LUZP2: variants seen among roughly 807,000 people sequenced by gnomAD.
LUZP2 encodes the protein leucine zipper protein 2.
In LUZP2, 52 loss-of-function variants were observed where a neutral mutation model predicts 51.6. The ratio of observed to expected loss-of-function variants is 1.01; its 90% confidence interval spans 0.81 to 1.27. LUZP2 has a LOEUF of 1.27. Ranked by LOEUF, LUZP2 falls within the 50% of genes most tolerant of loss-of-function variation. The probability of loss-of-function intolerance (pLI) is 0.00; values close to 1 mark genes in which losing one functional copy is unlikely to be tolerated. For missense variants in LUZP2, 436 were observed against 395.4 expected, an observed-to-expected ratio of 1.10 and a Z score of -0.87; for synonymous variants, 154 against 137.3, an observed-to-expected ratio of 1.12 and a Z score of -0.85.
At chr11:24,999,422 A>T (rs1856610121) in intron 9 of LUZP2, among the ~76,000 whole-genome samples, 1 of 151,006 alleles carries the variant, frequency 6.6e-6, no homozygotes, top group South Asian at 2.1e-4. Context: ...AAGAAGAAGG[A>T]GGAGGAGGAG....
At position 24,654,589 on chromosome 11, in the gene LUZP2, G is replaced by A. The variant is rs183915340; in HGVS notation, c.63-74580G>A. On this transcript the variant is annotated intron_variant, in intron 1 of 11. Transcript: ENST00000336930. Reference sequence around the variant, plus strand: ...GCGATCTCTGCTCACTGCAACCTCCGCCTCCTGAATTCAAGCCATTCTCCT... The same window carrying A: ...GCGATCTCTGCTCACTGCAACCTCCACCTCCTGAATTCAAGCCATTCTCCT... Among the ~76,000 whole-genome samples the A allele has an allele frequency of 3.2e-3, 482 of 151,858 alleles. 2 individuals are homozygous for A. Among genetic ancestry groups the A allele is most frequent in the Non-Finnish European group, 5.3e-3 (358 of 67,956 alleles).
At chr11:24,643,459 A>G (rs997705156) in intron 1 of LUZP2, among the ~76,000 whole-genome samples, 6 of 152,244 alleles carry the variant, frequency 3.9e-5, no homozygotes, top group Admixed American at 2.0e-4. Flanking sequence ...TCTTTCCAGA[A>G]GATCACAAAA....
chr11:24,849,720 G>A (rs1044655688), intron 5 of LUZP2, among the ~76,000 whole-genome samples: 1 of 152,098 alleles, frequency 6.6e-6, no homozygotes, highest in African/African-American at 2.4e-5. Flanking sequence ...CACAATGTTT[G>A]AACTAATTTA....
chr11:24,863,441 C>A (rs911893615), intron 5 of LUZP2, among the ~76,000 whole-genome samples: 2 of 152,026 alleles, frequency 1.3e-5, no homozygotes, highest in African/African-American at 4.8e-5. Context: ...GTGAAAGAAT[C>A]CATTCATATA....
chr11:24,976,714 A>G, intron 8 of LUZP2, 49 bp downstream of exon 8: 3 of 778,238 alleles, frequency 3.9e-6, no homozygotes, highest in South Asian at 4.3e-5. Flanking sequence ...AGCAAAAAAA[A>G]AAAAAAAAAA....
At chr11:24,729,368 T>TG (rs1168426173) in intron 2 of LUZP2, 82 bp downstream of exon 2, 1 of 674,820 alleles carries the variant, frequency 1.5e-6, no homozygotes, top group African/African-American at 1.8e-5. Context: ...CATTTTTAAA[T>TG]AGTTTTTAAT....
At chr11:24,972,621 T>C (rs965738899) in intron 7 of LUZP2, among the ~76,000 whole-genome samples, 2 of 152,156 alleles carry the variant, frequency 1.3e-5, no homozygotes, top group African/African-American at 4.8e-5. Context: ...ACCTAATTTA[T>C]TGAACATGAA....
At chr11:25,020,686 A>C (rs769893591) in intron 9 of LUZP2, among the ~76,000 whole-genome samples, 1 of 152,104 alleles carries the variant, frequency 6.6e-6, no homozygotes, top group Non-Finnish European at 1.5e-5. Flanking sequence ...GCACAAAATT[A>C]TCTCTTAAGA....
chr11:25,048,423 C>G (rs912031132), intron 9 of LUZP2, among the ~76,000 whole-genome samples: 1 of 152,116 alleles, frequency 6.6e-6, no homozygotes, highest in African/African-American at 2.4e-5. Flanking sequence ...CCTCCCTGCA[C>G]TTAATAAGCT....
At chr11:24,957,758 T>C (rs1855251631) in intron 7 of LUZP2, among the ~76,000 whole-genome samples, 2 of 152,178 alleles carry the variant, frequency 1.3e-5, no homozygotes, top group South Asian at 4.1e-4. Flanking sequence ...TGATTTCTTT[T>C]TTTTTATTAA....
At chr11:24,963,576 G>A (rs560845299) in intron 7 of LUZP2, among the ~76,000 whole-genome samples, 18 of 148,474 alleles carry the variant, frequency 1.2e-4, no homozygotes, top group African/African-American at 2.9e-4. Context: ...AGCCATGTGC[G>A]GGATATAATC....
intron 9 of LUZP2, among the ~76,000 whole-genome samples, chr11:25,015,685 C>G (rs917506543): frequency 4.6e-5 from 7 of 151,994 alleles, no homozygotes; most frequent in Admixed American, 6.6e-5. Flanking sequence ...CAACATCCCA[C>G]CAGGAATACA....
chr11:25,001,305 A>G (rs1856675289), intron 9 of LUZP2, among the ~76,000 whole-genome samples: 1 of 152,126 alleles, frequency 6.6e-6, no homozygotes, highest in Non-Finnish European at 1.5e-5. Context: ...TTATTAGGCA[A>G]TTTTCCTAAC....
intron 1 of LUZP2, among the ~76,000 whole-genome samples, chr11:24,619,179 C>A (rs1854405040): frequency 6.6e-6 from 1 of 152,032 alleles, no homozygotes; most frequent in South Asian, 2.1e-4. Flanking sequence ...CAGATGTGCA[C>A]CGCCATGCCT....
At chr11:24,807,238 A>G (rs2716470) in intron 5 of LUZP2, among the ~76,000 whole-genome samples, 133,424 of 151,940 alleles carry the variant, frequency 0.88, 58,960 homozygotes, top group Non-Finnish European at 0.92. Flanking sequence ...GGAGGTGGGC[A>G]GATCACCTGA....
chr11:24,906,687 A>G (rs1274183783), intron 6 of LUZP2, among the ~76,000 whole-genome samples: 1 of 152,334 alleles, frequency 6.6e-6, no homozygotes, highest in African/African-American at 2.4e-5. Flanking sequence ...TACTGTCATG[A>G]TAAGTGATTG....
intron 1 of LUZP2, among the ~76,000 whole-genome samples, chr11:24,634,632 CA>C (rs5790423): frequency 0.49 from 69,171 of 140,884 alleles, 16,096 homozygotes; most frequent in South Asian, 0.59. Context: ...TTTATAACTT[CA>C]AAAAAAAAAA....
chr11:24,559,052 T>C (rs1851955354), intron 1 of LUZP2, among the ~76,000 whole-genome samples: 4 of 152,170 alleles, frequency 2.6e-5, no homozygotes, highest in Non-Finnish European at 5.9e-5. Flanking sequence ...AATTCAACTA[T>C]AGCATATAAA....
chr11:25,016,609 C>G (rs1857165642), intron 9 of LUZP2, among the ~76,000 whole-genome samples: 1 of 146,338 alleles, frequency 6.8e-6, no homozygotes, highest in South Asian at 2.2e-4. Flanking sequence ...TATATACAAA[C>G]ACACGTGTTA....
Sources: allele counts gnomAD v4.1 joint callset (sites outside exome capture counted in the v4.1 genomes callset), GRCh38; gene constraint gnomAD v4.1.1; transcripts MANE v1.5; gene names NCBI Gene and HGNC (gene_info 2026-07-23, HGNC 2026-07-21).